ANKRD54: variants seen among roughly 807,000 people sequenced by gnomAD.
ANKRD54 encodes the protein ankyrin repeat domain-containing protein 54.
A neutral mutation model predicts 36.2 loss-of-function variants in ANKRD54; 26 were observed. The ratio of observed to expected loss-of-function variants is 0.72; its 90% CI spans 0.53 to 1.00. The LOEUF (loss-of-function observed/expected upper bound fraction) is 1.00. Among genes scored for constraint, ANKRD54 ranks in the 50% least tolerant of loss-of-function variants. The probability of loss-of-function intolerance (pLI) is 0.00; values close to 1 mark genes in which losing one functional copy is unlikely to be tolerated. For missense variants in ANKRD54, 384 were observed against 424.3 expected (o/e 0.91, Z 0.83); for synonymous variants, 209 against 188.4 (o/e 1.11, Z -0.89).
rs896357873 is a variant in ANKRD54, at chr22:37,831,905, G to C, written c.*38C>G. ...TTGGTACTGAGACAGCAGTGGGGCA[G>C]GGTGGGGCAGTGGCAGGAAGGCAGG... On this transcript the variant is annotated 3_prime_UTR_variant, in exon 8 of 8. Transcript: ENST00000215941. The C allele has an allele frequency of 6.2e-7, 1 of 1,604,596 alleles. No individual in the cohort carries two copies. Among genetic ancestry groups the C allele is most frequent in the Non-Finnish European group, 8.5e-7 (1 of 1,173,246 alleles).
At position 37,832,751 on chromosome 22, in the gene ANKRD54, C is replaced by G. The variant is rs1311449667; in HGVS notation, c.721-7G>C. ...CCCTCAGCATATGGATGATCTGGAA[C>G]AAGAGGGTGAGCTGAGCTGCCTGGG... On this transcript the variant is annotated splice_polypyrimidine_tract_variant and splice_region_variant and intron_variant, in intron 6 of 7. Transcript: ENST00000215941. 2.5e-6 allele frequency: 4 copies of G among 1,614,058 alleles called. No individual in the cohort carries two copies. Among genetic ancestry groups the G allele is most frequent in the Non-Finnish European group, 3.4e-6 (4 of 1,179,962 alleles).
At chr22:37,842,652 G>A (rs1263198871) in intron 1 of ANKRD54, among the ~76,000 whole-genome samples, 1 of 152,186 alleles carries the variant, frequency 6.6e-6, no homozygotes, top group African/African-American at 2.4e-5. Flanking sequence ...TCGGAGATAT[G>A]GTCAAAAATT....
In ANKRD54 at chr22:37,831,079, G is replaced by A. The variant is rs191991654; in HGVS notation, c.*864C>T. The A allele has an allele frequency of 2.2e-3, 340 of 152,286 alleles. No individual in the cohort carries two copies. Among genetic ancestry groups the A allele is most frequent in the Non-Finnish European group, 3.5e-3 (235 of 68,092 alleles). 9.4% of individuals were successfully genotyped at this position (152,286 alleles called of 1,614,324 possible). ...CGCTACACCTCCAACCTCCTCTCCC[G>A]TCACCTGCTCTTCTGTTATACAGAC... is the stretch of plus-strand genomic sequence containing the variant. On this transcript the variant is annotated 3_prime_UTR_variant, in exon 8 of 8. Transcript: ENST00000215941.
intron 3 of ANKRD54, chr22:37,834,255 G>A (rs1923250737): frequency 6.4e-6 from 1 of 156,144 alleles, no homozygotes; most frequent in African/African-American, 2.4e-5. Context: ...ATACAGGGAG[G>A]TCAGGCTGAG....
Position 37,833,151 on chromosome 22 carries a change from C to A in ANKRD54, c.595+8G>T. On this transcript the variant is annotated splice_region_variant and intron_variant, in intron 5 of 7. Transcript: ENST00000215941. ...GAAAGAGGACAGAGAGGGGAAGAAA[C>A]CACATACCTCCTCGTAGCAGTGTGG... The A allele has an allele frequency of 6.2e-7, 1 of 1,613,836 alleles. No homozygotes were observed. The highest frequency in any genetic ancestry group is 8.5e-7 in the Non-Finnish European group (1 of 1,179,962).
chr22:37,846,018 C>CA (rs1324519224), upstream of ANKRD54, among the ~76,000 whole-genome samples: 7 of 151,440 alleles, frequency 4.6e-5, no homozygotes, highest in African/African-American at 1.5e-4. Flanking sequence ...ACTAAAAATA[C>CA]AAAAAAATTA....
intron 3 of ANKRD54, among the ~76,000 whole-genome samples, chr22:37,837,072 A>G (rs1923645338): frequency 6.6e-6 from 1 of 151,988 alleles, no homozygotes; most frequent in Non-Finnish European, 1.5e-5. Context: ...GAGGTGCTCA[A>G]CGTTACTGGC....
At chr22:37,838,965 G>A (rs1923888334) in intron 2 of ANKRD54, among the ~76,000 whole-genome samples, 1 of 152,160 alleles carries the variant, frequency 6.6e-6, no homozygotes, top group African/African-American at 2.4e-5. Flanking sequence ...AGCTGCCCAA[G>A]CTATTGGCCT....
chr22:37,845,235 A>C (rs987308250), upstream of ANKRD54, among the ~76,000 whole-genome samples: 1 of 152,196 alleles, frequency 6.6e-6, no homozygotes, highest in Admixed American at 6.6e-5. Flanking sequence ...GCAATAGTTT[A>C]GTTCGACAGC....
In ANKRD54 at chr22:37,831,646, T is replaced by G; in HGVS notation, c.*297A>C. 2 of 434,232 alleles carry G rather than the reference T, an allele frequency of 4.6e-6. No homozygotes were observed. The highest frequency in any genetic ancestry group is 2.0e-5 in the African/African-American group (1 of 50,810). The allele number at this position is 434,232 out of a possible 1,614,324, so 26.9% of individuals were successfully genotyped here. ...AGGCCATGGGGCAAGTGAGGTCTGC[T>G]GAGATAGCGCAGGTCTGCGGAGCTG... On this transcript the variant is annotated 3_prime_UTR_variant, in exon 8 of 8. Coordinates refer to ENST00000215941, the MANE Select transcript of ANKRD54 (RefSeq NM_138797.4).
In ANKRD54 at chr22:37,844,212, G is replaced by A. The variant is rs924645357; in HGVS notation, c.27C>T (p.Asp9=). The change falls in exon 1 of 8, where the codon GAC becomes GAT. Residue 9 remains aspartate (D), a synonymous_variant. Coordinates refer to ENST00000215941, the MANE Select transcript of ANKRD54 (RefSeq NM_138797.4). MAAAAGDA[D]DEPRSGHSSS... ...TCGAGTGGCCTGAGCGCGGCTCGTC[G>A]TCCGCGTCCCCGGCGGCGGCTGCCA... is the stretch of plus-strand genomic sequence containing the variant. The A allele has an allele frequency of 1.3e-6, 2 of 1,525,172 alleles. No homozygotes were observed. The highest frequency in any genetic ancestry group is 1.4e-5 in the African/African-American group (1 of 69,174). 94.5% of individuals were successfully genotyped at this position (1,525,172 alleles called of 1,614,324 possible).
chr22:37,844,861 C>A (rs1924740216), upstream of ANKRD54, among the ~76,000 whole-genome samples: 1 of 152,120 alleles, frequency 6.6e-6, no homozygotes, highest in South Asian at 2.1e-4. Flanking sequence ...AGCCACCGCG[C>A]CCGGCCTTTT....
At chr22:37,840,376 G>C in intron 1 of ANKRD54, 142 bp from the exon 2 acceptor site, 1 of 856,780 alleles carries the variant, frequency 1.2e-6, no homozygotes, top group Non-Finnish European at 1.9e-6. Context: ...GGCTAACATG[G>C]TGAAACCCCA....
chr22:37,843,881 C>T (rs113730097), intron 1 of ANKRD54, 30 bp downstream of exon 1: 13 of 1,203,148 alleles, frequency 1.1e-5, no homozygotes, highest in Non-Finnish European at 1.1e-5. Context: ...CTGCCCCGCC[C>T]CGGGCCCCCG....
rs1922890682 is a variant in ANKRD54, at chr22:37,831,643, TGC to T, written c.*298_*299del. ...TGAAGGCCATGGGGCAAGTGAGGTC[TGC>T]TGAGATAGCGCAGGTCTGCGGAGCT... is the stretch of plus-strand genomic sequence containing the variant. On this transcript the variant is annotated 3_prime_UTR_variant, in exon 8 of 8. Coordinates refer to ENST00000215941, the MANE Select transcript of ANKRD54 (RefSeq NM_138797.4). 4.7e-6 allele frequency: 2 copies of T among 429,400 alleles called. No homozygotes were observed. Among genetic ancestry groups the T allele is most frequent in the Non-Finnish European group, 8.6e-6 (2 of 232,994 alleles). 26.6% of individuals were successfully genotyped at this position (429,400 alleles called of 1,614,324 possible).
chr22:37,833,580 A>T, intron 4 of ANKRD54, 104 bp downstream of exon 4: 1 of 1,224,532 alleles, frequency 8.2e-7, no homozygotes, highest in Non-Finnish European at 1.2e-6. Context: ...ATCTTCCCTG[A>T]CACTCACAGT....
At position 37,838,389 on chromosome 22, in the gene ANKRD54, T is replaced by C. The variant is rs910287020; in HGVS notation, c.475+111A>G. ...ACTGCAGTGCCAAGTCTTCCTTATA[T>C]CCAGAACAACTGGGCATCCCAAGGC... On this transcript the variant is annotated intron_variant, in intron 3 of 7. Coordinates refer to ENST00000215941, the MANE Select transcript of ANKRD54 (RefSeq NM_138797.4). 1.4e-5 allele frequency: 15 copies of C among 1,065,950 alleles called. No individual in the cohort carries two copies. The Admixed American group carries it at 1.9e-4, about 14-fold the overall frequency. 66.0% of individuals were successfully genotyped at this position (1,065,950 alleles called of 1,614,324 possible). A position where few individuals can be genotyped will look rare whatever the true frequency, so the allele number is the denominator to read the frequency against.
intron 4 of ANKRD54, among the ~76,000 whole-genome samples, 167 bp from the exon 5 acceptor site, chr22:37,833,373 C>T (rs1195698277): frequency 2.0e-5 from 3 of 152,190 alleles, no homozygotes; most frequent in South Asian, 2.1e-4. Context: ...TCAAGTTCAA[C>T]TCCCTCCCTG....
At chr22:37,846,857 C>CTT (rs759482944), upstream of ANKRD54, among the ~76,000 whole-genome samples, 9 of 142,756 alleles carry the variant, frequency 6.3e-5, no homozygotes, top group Non-Finnish European at 9.2e-5. Context: ...AATTTCTTTT[C>CTT]TTTTTTTTTT....
Sources: gnomAD v4.1 joint callset for allele counts (sites outside exome capture counted in the v4.1 genomes callset) on GRCh38, gnomAD v4.1.1 for gene constraint, MANE v1.5 for transcripts, NCBI Gene and HGNC (gene_info 2026-07-23, HGNC 2026-07-21) for gene names.